PLCG1: variants seen among roughly 807,000 people sequenced by gnomAD.
PLCG1 encodes the protein phospholipase C gamma 1.
A neutral mutation model predicts 177.8 loss-of-function variants in PLCG1; 71 were observed. That is an observed-to-expected ratio of 0.40 (90% CI 0.33 to 0.49). PLCG1 has a LOEUF of 0.49. Ranked by LOEUF, PLCG1 falls within the 20% of genes least tolerant of loss-of-function variation. The pLI is 0.72. For missense variants in PLCG1, 1,281 were observed against 1,709.0 expected, an observed-to-expected ratio of 0.75 and a Z score of 4.42; for synonymous variants, 658 against 647.9, an observed-to-expected ratio of 1.02 and a Z score of -0.24.
At position 41,159,744 on chromosome 20, in the gene PLCG1, C is replaced by T. The variant is rs546598406; in HGVS notation, c.356C>T (p.Thr119Met). 7.1e-5 allele frequency: 115 copies of T among 1,614,184 alleles called. No homozygotes were observed. Among genetic ancestry groups the T allele is most frequent in the East Asian group, 4.5e-4 (20 of 44,886 alleles). Reference protein sequence around the residue: ...ILYGMEFRLKTLSLQATSEDE... With the variant: ...ILYGMEFRLKMLSLQATSEDE... ...TATGGAATGGAATTTCGCCTGAAAACGCTGAGCCTGCAAGGTGGGAGTTAA... is the reference window on the plus strand; with the variant it reads ...TATGGAATGGAATTTCGCCTGAAAATGCTGAGCCTGCAAGGTGGGAGTTAA... The change falls in exon 2 of 32, where the codon ACG becomes ATG. Residue 119 changes from threonine (T) to methionine (M), a missense_variant. By Grantham distance (81) the Thr-to-Met change is moderately conservative (BLOSUM62 -1). Transcript: ENST00000685551. The surrounding 1 kb of genome is among the most constrained non-coding windows in gnomAD (Gnocchi z 6.0).
Position 41,166,745 on chromosome 20 carries a change from G to T in PLCG1, c.2187G>T (p.Ser729=). Residue 729 remains serine (S), a synonymous_variant, in exon 19 of 32, where the codon TCG becomes TCT. Transcript: ENST00000685551. This position sits in a 1 kb window ranked among gnomAD's most constrained non-coding sequence, Gnocchi z 8.6. ...GCCAGACAGTGATGCTAGGGAACTC[G>T]GAGTTCGACAGCCTTGTTGACCTCA... The part of the protein sequence containing the change: ...QEGQTVMLGN[S]EFDSLVDLIS... 1.2e-6 allele frequency: 2 copies of T among 1,614,102 alleles called. No homozygotes were observed. The highest frequency in any genetic ancestry group is 1.7e-6 in the Non-Finnish European group (2 of 1,180,008).
At position 41,147,860 on chromosome 20, in the gene PLCG1, A is replaced by AG. The variant is rs1568729497; in HGVS notation, c.217+10002_217+10003insG. Among the ~76,000 whole-genome samples the AG allele has an allele frequency of 6.6e-6, 1 of 152,088 alleles. No homozygotes were observed. The highest frequency in any genetic ancestry group is 1.9e-4 in the East Asian group (1 of 5,188). On this transcript the variant is annotated intron_variant, in intron 1 of 31. Transcript: ENST00000685551. This position sits in a 1 kb window ranked among gnomAD's most constrained non-coding sequence, Gnocchi z 4.0. ...AAGACTCTGTCTCTTTAAAAAAAAA[A>AG]AAAAATTTAAGCTGGGCTTTCTGGG...
rs113580387 is a variant in PLCG1 at position 41,165,996 on chromosome 20, C to G, written c.1799+170C>G. On this transcript the variant is annotated intron_variant, in intron 16 of 31. Transcript: ENST00000685551. This position sits in a 1 kb window ranked among gnomAD's most constrained non-coding sequence, Gnocchi z 6.6. ...CACACACACTCTCTGTCTCACCCCC[C>G]CCCCATACCCCTCCCTTTTCGGTTC... is the stretch of plus-strand genomic sequence containing the variant. 5.9e-6 allele frequency: 4 copies of G among 681,962 alleles called. No homozygotes were observed. The highest frequency in any genetic ancestry group is 2.9e-5 in the Admixed American group (1 of 34,210). 42.2% of individuals were successfully genotyped at this position (681,962 alleles called of 1,614,324 possible). A position where few individuals can be genotyped will look rare whatever the true frequency, so the allele number is the denominator to read the frequency against.
chr20:41,154,395 CTAGGGCAG>C (rs2035255851), intron 1 of PLCG1, among the ~76,000 whole-genome samples: 1 of 152,234 alleles, frequency 6.6e-6, no homozygotes, highest in African/African-American at 2.4e-5. Flanking sequence ...TGTCTGCCCC[CTAGGGCAG>C]GATTGGCTGG....
At position 41,174,356 on chromosome 20, in the gene PLCG1, G is replaced by T; in HGVS notation, c.3833+45G>T. The T allele has an allele frequency of 6.2e-7, 1 of 1,603,232 alleles. No homozygotes were observed. Among genetic ancestry groups the T allele is most frequent in the South Asian group, 1.1e-5 (1 of 90,870 alleles). On this transcript the variant is annotated intron_variant, in intron 31 of 31. Coordinates refer to ENST00000685551, the MANE Select transcript of PLCG1 (RefSeq NM_002660.3). The surrounding 1 kb of genome is among the most constrained non-coding windows in gnomAD (Gnocchi z 5.8). ...GCTAGAGCCAGGAAGGCAGTGGCTA[G>T]GTCCTCCTTCTTCAGTGTTTCTTTC...
chr20:41,151,028 T>G lies in PLCG1; in HGVS notation c.218-8578T>G, dbSNP rs907315896. ...GCCCGATAAATGTTTGATCAGATGA[T>G]GGAATGAATGACTGCATAAGCCGAA... On this transcript the variant is annotated intron_variant, in intron 1 of 31. Transcript: ENST00000685551. This position sits in a 1 kb window ranked among gnomAD's most constrained non-coding sequence, Gnocchi z 5.5. 6.6e-6 allele frequency among the ~76,000 whole-genome samples: 1 copy of G among 152,188 alleles called. No homozygotes were observed. The highest frequency in any genetic ancestry group is 6.5e-5 in the Admixed American group (1 of 15,280).
At chr20:41,140,869 G>C (rs368281884) in intron 1 of PLCG1, among the ~76,000 whole-genome samples, 8 of 152,338 alleles carry the variant, frequency 5.3e-5, no homozygotes, top group African/African-American at 1.9e-4. Flanking sequence ...AGAATCGTTT[G>C]TGCCCAAGGT....
chr20:41,138,010 C>T (rs936096225), intron 1 of PLCG1, 152 bp downstream of exon 1: 2 of 469,090 alleles, frequency 4.3e-6, no homozygotes, highest in African/African-American at 4.0e-5. Flanking sequence ...CGCTTCGTCT[C>T]GGGTGGTCAC....
rs775100715 is a variant in PLCG1 at position 41,163,313 on chromosome 20, G to T, written c.789+38G>T. 3.8e-6 allele frequency: 6 copies of T among 1,595,864 alleles called. No individual in the cohort carries two copies. The highest frequency in any genetic ancestry group is 2.6e-6 in the Non-Finnish European group (3 of 1,168,036). ...TGACATTGGCCCAGGCTGGTAGGTT[G>T]TGGGGGGCTGGGCTCATCCCTGACT... On this transcript the variant is annotated intron_variant, in intron 8 of 31. Transcript: ENST00000685551. This position sits in a 1 kb window ranked among gnomAD's most constrained non-coding sequence, Gnocchi z 5.2.
Position 41,148,486 on chromosome 20 carries a change from C to CCCCT in PLCG1, c.217+10628_217+10629insCCCT, listed in dbSNP as rs2146009770. Among the ~76,000 whole-genome samples, 1 of 152,156 alleles carries CCCCT rather than the reference C, an allele frequency of 6.6e-6. No homozygotes were observed. The highest frequency in any genetic ancestry group is 1.5e-5 in the Non-Finnish European group (1 of 68,016). On this transcript the variant is annotated intron_variant, in intron 1 of 31. Coordinates refer to ENST00000685551, the MANE Select transcript of PLCG1 (RefSeq NM_002660.3). The surrounding 1 kb of genome is among the most constrained non-coding windows in gnomAD (Gnocchi z 4.3). ...GTGAGAGGGCTCTGCAGAGACAGGG[C>CCCCT]AGCAGAGAGAGACTTGGAGATATGC...
At position 41,163,567 on chromosome 20, in the gene PLCG1, T is replaced by C. The variant is rs2035585366; in HGVS notation, c.891+88T>C. 9.0e-7 allele frequency: 1 copy of C among 1,110,624 alleles called. No individual in the cohort carries two copies. Among genetic ancestry groups the C allele is most frequent in the African/African-American group, 1.5e-5 (1 of 65,366 alleles). 68.8% of individuals were successfully genotyped at this position (1,110,624 alleles called of 1,614,324 possible). A position where few individuals can be genotyped will look rare whatever the true frequency, so the allele number is the denominator to read the frequency against. On this transcript the variant is annotated intron_variant, in intron 9 of 31. Coordinates refer to ENST00000685551, the MANE Select transcript of PLCG1 (RefSeq NM_002660.3). This position sits in a 1 kb window ranked among gnomAD's most constrained non-coding sequence, Gnocchi z 5.2. ...CCGGGCTCCAGGAGCTAGACGCTCC[T>C]TAGGGATGCCACCTTGTTTCTACCT...
intron 1 of PLCG1, among the ~76,000 whole-genome samples, chr20:41,149,893 C>G (rs935788548): frequency 2.0e-5 from 3 of 152,116 alleles, no homozygotes; most frequent in Admixed American, 2.0e-4. Flanking sequence ...GAAGGAGGAC[C>G]ATAGATAAGT....
chr20:41,166,608 G>T lies in PLCG1; in HGVS notation c.2120+13G>T. On this transcript the variant is annotated intron_variant, in intron 18 of 31. Transcript: ENST00000685551. This position sits in a 1 kb window ranked among gnomAD's most constrained non-coding sequence, Gnocchi z 8.6. Reference sequence around the variant, plus strand: ...CCATCTCTTTCCGGTGAGGGGTGTGGCACTGGGTTGTGGGGCCTTGCTTGG... The same window carrying T: ...CCATCTCTTTCCGGTGAGGGGTGTGTCACTGGGTTGTGGGGCCTTGCTTGG... 4 of 1,614,152 alleles carry T rather than the reference G, an allele frequency of 2.5e-6. No individual in the cohort carries two copies. Among genetic ancestry groups the T allele is most frequent in the Non-Finnish European group, 1.7e-6 (2 of 1,180,024 alleles).
Position 41,177,404 on chromosome 20 carries a change from G to A in PLCG1, c.*2895G>A, listed in dbSNP as rs1240282577. The A allele has an allele frequency of 6.6e-6, 1 of 152,234 alleles. No homozygotes were observed. Among genetic ancestry groups the A allele is most frequent in the East Asian group, 1.9e-4 (1 of 5,196 alleles). The allele number at this position is 152,234 out of a possible 1,614,324, so 9.4% of individuals were successfully genotyped here. ...CTGTGGCCATGAGCAGAAAAGGCAG[G>A]GGTCTGCCTCCTGACCAAGCACATC... On this transcript the variant is annotated 3_prime_UTR_variant, in exon 32 of 32. Coordinates refer to ENST00000685551, the MANE Select transcript of PLCG1 (RefSeq NM_002660.3).
intron 1 of PLCG1, among the ~76,000 whole-genome samples, chr20:41,141,567 A>G (rs940062090): frequency 1.3e-5 from 2 of 152,220 alleles, no homozygotes; most frequent in Admixed American, 1.3e-4. Context: ...GGTGTCATCA[A>G]GGGTTTTCTT....
chr20:41,155,068 G>C (rs2035277999), intron 1 of PLCG1, among the ~76,000 whole-genome samples: 1 of 152,248 alleles, frequency 6.6e-6, no homozygotes, highest in Middle Eastern at 3.2e-3. Context: ...CCTGGGCTGA[G>C]AAGGGAGGGG....
intron 1 of PLCG1, among the ~76,000 whole-genome samples, chr20:41,149,031 A>G (rs752209295): frequency 6.6e-6 from 1 of 152,214 alleles, no homozygotes; most frequent in Non-Finnish European, 1.5e-5. Flanking sequence ...GGCAGTTTTT[A>G]TCGTTGTAAG....
chr20:41,143,206 A>G (rs541533869), intron 1 of PLCG1, among the ~76,000 whole-genome samples: 41 of 152,284 alleles, frequency 2.7e-4, no homozygotes, highest in African/African-American at 9.4e-4. Context: ...CTCTAATGCC[A>G]CAGCCTCGAT....
intron 1 of PLCG1, chr20:41,138,120 A>C: frequency 6.5e-6 from 2 of 309,830 alleles, no homozygotes; most frequent in Non-Finnish European, 1.2e-5. Context: ...AGGCCTAAAA[A>C]TCCTCGCGGG....
Sources: allele counts gnomAD v4.1 joint callset (sites outside exome capture counted in the v4.1 genomes callset), GRCh38; gene constraint gnomAD v4.1.1; non-coding constraint Gnocchi (gnomAD v3.1); transcripts MANE v1.5; gene names NCBI Gene and HGNC (gene_info 2026-07-23, HGNC 2026-07-21).